Variants in CSMD1 observed in about 807,000 individuals in gnomAD.
CSMD1 encodes CUB and Sushi multiple domains 1.
Under a neutral mutation model 417.5 loss-of-function variants are expected in CSMD1, and 213 were observed. The observed-to-expected ratio is 0.51, with a 90% CI of 0.46 to 0.57. The LOEUF is 0.57. CSMD1 is among the 20% of genes least tolerant of loss of function. The pLI, the probability that CSMD1 is intolerant of heterozygous loss-of-function variation, is 0.00. For missense variants in CSMD1, 6,923 were observed against 4,529.7 expected (o/e 1.53, Z -15.17); for synonymous variants, 2,862 against 1,736.8 (o/e 1.65, Z -16.11).
intron 49 of CSMD1, among the ~76,000 whole-genome samples, chr8:3,082,767 A>T (rs899253025): frequency 1.1e-4 from 17 of 152,198 alleles, no homozygotes; most frequent in Non-Finnish European, 1.5e-5. Context: ...GAAATTATAC[A>T]AAAGATACCC....
chr8:3,568,207 ATTG>A (rs1372564846), intron 10 of CSMD1, among the ~76,000 whole-genome samples: 2 of 152,186 alleles, frequency 1.3e-5, no homozygotes, highest in Admixed American at 6.5e-5. Flanking sequence ...AAACAAAACA[ATTG>A]TTGTGGATGT....
chr8:3,187,841 A>G (rs1198296131), intron 36 of CSMD1, 28 bp downstream of exon 36: 1 of 1,556,336 alleles, frequency 6.4e-7, no homozygotes, highest in African/African-American at 1.4e-5. Context: ...TTTGAGTCAC[A>G]CAGGTGAGGA....
At chr8:3,008,844 A>G (rs149572687) in intron 52 of CSMD1, among the ~76,000 whole-genome samples, 2 of 152,304 alleles carry the variant, frequency 1.3e-5, no homozygotes, top group East Asian at 3.9e-4. Flanking sequence ...CGCAAGGTGG[A>G]CCCTCAAAGA....
At chr8:4,182,025 C>CGTGTGT (rs71205427) in intron 3 of CSMD1, among the ~76,000 whole-genome samples, 16 of 118,212 alleles carry the variant, frequency 1.4e-4, no homozygotes, top group African/African-American at 4.5e-4. Flanking sequence ...CATACACACC[C>CGTGTGT]GTGTGTGTGT....
chr8:4,627,956 G>C (rs1306429761), intron 2 of CSMD1, among the ~76,000 whole-genome samples: 3 of 151,578 alleles, frequency 2.0e-5, no homozygotes, highest in Non-Finnish European at 4.4e-5. Flanking sequence ...GATTATACCT[G>C]TCAGATTCTA....
chr8:4,472,630 G>T (rs1033064476), intron 2 of CSMD1, among the ~76,000 whole-genome samples: 3 of 151,788 alleles, frequency 2.0e-5, no homozygotes, highest in Non-Finnish European at 4.4e-5. Context: ...CAAACAATAA[G>T]AAAAATAATT....
intron 7 of CSMD1, among the ~76,000 whole-genome samples, chr8:3,667,944 C>A (rs1216422526): frequency 1.3e-5 from 2 of 152,130 alleles, no homozygotes; most frequent in African/African-American, 2.4e-5. Flanking sequence ...AATTCACCCA[C>A]CCATTTCCTC....
At chr8:4,511,171 T>C (rs1342922213) in intron 2 of CSMD1, among the ~76,000 whole-genome samples, 1 of 152,108 alleles carries the variant, frequency 6.6e-6, no homozygotes, top group Non-Finnish European at 1.5e-5. Context: ...GTTTCCCACA[T>C]AGCAAGCCTG....
intron 3 of CSMD1, among the ~76,000 whole-genome samples, chr8:4,303,422 G>GTTTTTTTTTTTTTTTTTTT (rs71511194): frequency 1.2e-5 from 1 of 85,250 alleles, no homozygotes; most frequent in African/African-American, 4.8e-5. Flanking sequence ...GCAGGAAGCT[G>GTTTTTTTTTTTTTTTTTTT]TTTTTTTTTT....
chr8:4,039,390 T>C (rs1797773932), intron 3 of CSMD1, among the ~76,000 whole-genome samples: 2 of 152,234 alleles, frequency 1.3e-5, no homozygotes, highest in South Asian at 4.1e-4. Flanking sequence ...TTGGGAAGGA[T>C]TAGAAAAATC....
intron 10 of CSMD1, chr8:3,515,465 C>A (rs569944445): frequency 1.3e-5 from 2 of 151,844 alleles, no homozygotes; most frequent in South Asian, 2.1e-4. Flanking sequence ...GAGGAATACA[C>A]ACAATTATTT....
intron 3 of CSMD1, among the ~76,000 whole-genome samples, chr8:4,349,229 G>A (rs7008571): frequency 0.84 from 128,121 of 152,212 alleles, 54,433 homozygotes; most frequent in African/African-American, 0.96. Flanking sequence ...GGGCTTGTTT[G>A]CTAATTGTCT....
chr8:3,888,389 C>T (rs182543405), intron 5 of CSMD1, among the ~76,000 whole-genome samples: 5 of 152,130 alleles, frequency 3.3e-5, no homozygotes, highest in Non-Finnish European at 7.4e-5. Flanking sequence ...CATAGAGAAG[C>T]CTATTTCATT....
intron 3 of CSMD1, among the ~76,000 whole-genome samples, chr8:4,192,151 G>A (rs780580451): frequency 1.4e-4 from 21 of 152,218 alleles, no homozygotes; most frequent in Middle Eastern, 3.4e-3. Flanking sequence ...TCACTCCAGT[G>A]CACCAATAGG....
intron 31 of CSMD1, among the ~76,000 whole-genome samples, chr8:3,203,615 TA>T (rs1797103240): frequency 6.6e-6 from 1 of 151,980 alleles, no homozygotes; most frequent in Non-Finnish European, 1.5e-5. Context: ...ACTCCGTGGA[TA>T]AAAAACAAAC....
intron 12 of CSMD1, among the ~76,000 whole-genome samples, chr8:3,417,453 G>T (rs1813227098): frequency 6.6e-6 from 1 of 152,314 alleles, no homozygotes; most frequent in Non-Finnish European, 1.5e-5. Context: ...TGAAAGCAAT[G>T]TTGTCTAGCT....
intron 5 of CSMD1, among the ~76,000 whole-genome samples, chr8:3,978,887 T>C (rs1229675546): frequency 6.6e-6 from 1 of 152,164 alleles, no homozygotes; most frequent in Non-Finnish European, 1.5e-5. Context: ...GAACACAATA[T>C]GGGAACAGTG....
At chr8:3,450,766 A>T (rs1424482617) in intron 12 of CSMD1, among the ~76,000 whole-genome samples, 2 of 152,112 alleles carry the variant, frequency 1.3e-5, no homozygotes, top group Non-Finnish European at 2.9e-5. Context: ...ATAGTGCCAC[A>T]GTAAACATAC....
chr8:4,298,449 T>C (rs373238894), intron 3 of CSMD1, among the ~76,000 whole-genome samples: 1 of 152,104 alleles, frequency 6.6e-6, no homozygotes, highest in East Asian at 1.9e-4. Flanking sequence ...TAATTCCCTA[T>C]ACAGGAAATT....
Sources: gnomAD v4.1 joint callset for allele counts (sites outside exome capture counted in the v4.1 genomes callset) on GRCh38, gnomAD v4.1.1 for gene constraint, MANE v1.5 for transcripts, NCBI Gene and HGNC (gene_info 2026-07-23, HGNC 2026-07-21) for gene names.